PLEKHA6: variants seen among roughly 807,000 people sequenced by gnomAD.
The protein encoded by PLEKHA6 is pleckstrin homology domain containing A6.
Under a neutral mutation model 116.7 loss-of-function variants are expected in PLEKHA6, and 60 were observed. The observed-to-expected ratio is 0.51, with a 90% confidence interval of 0.42 to 0.64. The LOEUF (loss-of-function observed/expected upper bound fraction) is 0.64. PLEKHA6 is among the 30% of genes least tolerant of loss of function. The pLI is 0.00. For missense variants in PLEKHA6, 1,338 were observed against 1,422.7 expected (o/e 0.94, Z 0.96); for synonymous variants, 489 against 556.1 (o/e 0.88, Z 1.70).
chr1:204,230,445 G>A lies in PLEKHA6; in HGVS notation c.2551C>T (p.Pro851Ser), dbSNP rs753717780. 6.3e-7 allele frequency: 1 copy of A among 1,585,156 alleles called. No individual in the cohort carries two copies. The change falls in exon 18 of 23, where the codon CCC becomes TCC. Residue 851 changes from proline (P) to serine (S), a missense_variant. Pro to Ser is a moderately conservative substitution (Grantham distance 74, BLOSUM62 -1). Around this residue, in one of 3 missense-constraint regions of PLEKHA6, gnomAD observed 1,136 missense variants for 1,163.6 expected, o/e 0.98. Coordinates refer to ENST00000272203, the MANE Select transcript of PLEKHA6 (RefSeq NM_014935.5). ...RSLQLPASPA[P>S]DPSPRPAYKV... ...TAGGCTGGCCGGGGACTGGGGTCGG[G>A]GGCCGGGCTGGCCGGGAGCTGCAGG...
intron 17 of PLEKHA6, among the ~76,000 whole-genome samples, chr1:204,239,664 T>C (rs1296709428): frequency 6.6e-6 from 1 of 152,220 alleles, no homozygotes; most frequent in Admixed American, 6.5e-5. Flanking sequence ...TCCATCATCC[T>C]GAAGCAGCTG....
At position 204,257,372 on chromosome 1, in the gene PLEKHA6, C is replaced by G. The variant is rs1279805217; in HGVS notation, c.1505G>C (p.Arg502Pro). 1.9e-6 allele frequency: 3 copies of G among 1,562,194 alleles called. No individual in the cohort carries two copies. Among genetic ancestry groups the G allele is most frequent in the Non-Finnish European group, 2.6e-6 (3 of 1,152,752 alleles). The change falls in exon 9 of 23, where the codon CGA becomes CCA. Residue 502 changes from arginine (R) to proline (P), a missense_variant. Physicochemically the swap from Arg to Pro is moderately radical, Grantham distance 103. Coordinates refer to ENST00000272203, the MANE Select transcript of PLEKHA6 (RefSeq NM_014935.5). The surrounding 1 kb of genome is among the most constrained non-coding windows in gnomAD (Gnocchi z 6.5). The stretch of plus-strand genomic sequence containing the variant: ...GCTCACCTTGGGGGAGCTGATGGAT[C>G]GCCTCATCACATAGGCAGCAGGGTC... ...YADPAAYVMRRSISSPKVPPY... is the reference protein window; with the variant it reads ...YADPAAYVMRPSISSPKVPPY...
At chr1:204,309,558 T>C (rs1184281235) in intron 1 of PLEKHA6, 1 of 160,074 alleles carries the variant, frequency 6.2e-6, no homozygotes, top group Non-Finnish European at 1.3e-5. Flanking sequence ...AAAGCCTACG[T>C]GTGTAGTAGG....
intron 1 of PLEKHA6, chr1:204,282,636 T>C: frequency 2.2e-5 from 22 of 984,988 alleles, no homozygotes; most frequent in Non-Finnish European, 2.7e-5. Flanking sequence ...AGTCCTTAAC[T>C]GTCTCAACAC....
At chr1:204,279,119 A>T (rs906146639) in intron 1 of PLEKHA6, among the ~76,000 whole-genome samples, 1 of 152,088 alleles carries the variant, frequency 6.6e-6, no homozygotes, top group Non-Finnish European at 1.5e-5. Context: ...CAGAAGGAGG[A>T]GGGGGTAGGG....
At chr1:204,318,069 G>GTAAA (rs1383779619) in intron 1 of PLEKHA6, among the ~76,000 whole-genome samples, 1 of 152,190 alleles carries the variant, frequency 6.6e-6, no homozygotes, top group East Asian at 1.9e-4. Context: ...TGCTTACAAG[G>GTAAA]TAAATATCCT....
upstream of PLEKHA6, among the ~76,000 whole-genome samples, chr1:204,364,927 C>T (rs1673621696): frequency 6.6e-6 from 1 of 152,126 alleles, no homozygotes. Context: ...GAAAATGACA[C>T]AAGTATAAGC....
chr1:204,236,986 C>T (rs1454227664), intron 17 of PLEKHA6, among the ~76,000 whole-genome samples: 1 of 152,186 alleles, frequency 6.6e-6, no homozygotes, highest in Non-Finnish European at 1.5e-5. Flanking sequence ...TCCAAGGAGA[C>T]CTCTGGCCTT....
intron 1 of PLEKHA6, chr1:204,311,593 G>T (rs1253505397): frequency 2.0e-6 from 2 of 978,872 alleles, no homozygotes; most frequent in Non-Finnish European, 2.4e-6. Flanking sequence ...AATGATAACT[G>T]CCAAATACAA....
In PLEKHA6 at chr1:204,259,173, G is replaced by T; in HGVS notation, c.1007+85C>A. On this transcript the variant is annotated intron_variant, in intron 8 of 22. Transcript: ENST00000272203. The surrounding 1 kb of genome is among the most constrained non-coding windows in gnomAD (Gnocchi z 4.6). ...CCTGCTTCCAGAAGGTTTCCAACAG[G>T]GGATGCCTCGTGGGCTATGACCCCA... The T allele has an allele frequency of 6.9e-7, 1 of 1,450,742 alleles. No individual in the cohort carries two copies. The highest frequency in any genetic ancestry group is 9.3e-7 in the Non-Finnish European group (1 of 1,073,822). 89.9% of individuals were successfully genotyped at this position (1,450,742 alleles called of 1,614,324 possible). A position where few individuals can be genotyped will look rare whatever the true frequency, so the allele number is the denominator to read the frequency against.
chr1:204,237,617 T>G (rs988042815), intron 17 of PLEKHA6, among the ~76,000 whole-genome samples: 1 of 152,224 alleles, frequency 6.6e-6, no homozygotes, highest in Non-Finnish European at 1.5e-5. Context: ...CATCTCCTGG[T>G]ACCTGGTATG....
chr1:204,331,433 T>C (rs563232420), intron 1 of PLEKHA6, among the ~76,000 whole-genome samples: 182 of 152,192 alleles, frequency 1.2e-3, no homozygotes, highest in African/African-American at 4.3e-3. Context: ...CAACCCCACC[T>C]TGGGCAAACA....
intron 2 of PLEKHA6, 114 bp from the exon 3 acceptor site, chr1:204,273,854 G>A (rs1478949420): frequency 8.3e-6 from 6 of 719,460 alleles, no homozygotes; most frequent in South Asian, 1.7e-5. Flanking sequence ...CACAAAATTA[G>A]ATCTCTTGAG....
chr1:204,321,992 G>A (rs1369622435), intron 1 of PLEKHA6, among the ~76,000 whole-genome samples: 1 of 152,224 alleles, frequency 6.6e-6, no homozygotes, highest in Non-Finnish European at 1.5e-5. Flanking sequence ...AAAATATTGA[G>A]AAGAAACTAA....
chr1:204,263,280 G>A (rs1313196618), intron 6 of PLEKHA6, among the ~76,000 whole-genome samples: 1 of 152,232 alleles, frequency 6.6e-6, no homozygotes, highest in East Asian at 1.9e-4. Context: ...AGAGAATTGA[G>A]GGAGCTGTCC....
chr1:204,330,800 C>T (rs1195972868), intron 1 of PLEKHA6, among the ~76,000 whole-genome samples: 2 of 152,222 alleles, frequency 1.3e-5, no homozygotes, highest in Admixed American at 6.5e-5. Context: ...CGATGTGAAG[C>T]ACCCCTCCTT....
At chr1:204,244,810 C>A in intron 15 of PLEKHA6, 54 bp downstream of exon 15, 1 of 1,385,666 alleles carries the variant, frequency 7.2e-7, no homozygotes, top group Non-Finnish European at 9.7e-7. Flanking sequence ...TTCAGACAAA[C>A]GAGGATCTGG....
In PLEKHA6 at chr1:204,376,290, C is replaced by G. The variant is rs143250569; in HGVS notation, c.83+1293G>C. ...GGAAATTCACATTCTAAGACCCTAC[C>G]CCAGATCCTCTGAATAGGAATCTCC... is the stretch of plus-strand genomic sequence containing the variant. On this transcript the variant is annotated intron_variant, in intron 1 of 4. Transcript: ENST00000564627. 1.6e-4 allele frequency among the ~76,000 whole-genome samples: 25 copies of G among 152,228 alleles called. No individual in the cohort carries two copies. In the East Asian group the frequency reaches 4.8e-3, roughly 29 times the overall value.
At chr1:204,253,841 AAAAAAAAAAC>A (rs1460746597) in intron 9 of PLEKHA6, among the ~76,000 whole-genome samples, 4 of 150,270 alleles carry the variant, frequency 2.7e-5, no homozygotes, top group African/African-American at 7.3e-5. Flanking sequence ...CTCAAAAAAA[AAAAAAAAAAC>A]AAAAACAAAA....
Sources: allele counts gnomAD v4.1 joint callset (sites outside exome capture counted in the v4.1 genomes callset), GRCh38; gene constraint gnomAD v4.1.1; regional missense constraint gnomAD v4.1.1; non-coding constraint Gnocchi (gnomAD v3.1); transcripts MANE v1.5; gene names NCBI Gene and HGNC (gene_info 2026-07-23, HGNC 2026-07-21).